PCDHGB5: variants seen among roughly 807,000 people sequenced by gnomAD.
The protein encoded by PCDHGB5 is protocadherin gamma subfamily B, 5, also known as protocadherin gamma-B5.
In PCDHGB5, 48 loss-of-function variants were observed where a neutral mutation model predicts 62.9. The observed-to-expected ratio is 0.76, with a 90% CI of 0.61 to 0.97. The LOEUF (loss-of-function observed/expected upper bound fraction) is 0.97, where lower values mean the gene tolerates loss of function less well. Ranked by LOEUF, PCDHGB5 falls within the 50% of genes least tolerant of loss-of-function variation. PCDHGB5 has a pLI of 0.00. For missense variants in PCDHGB5, 1,118 were observed against 1,198.6 expected (o/e 0.93, Z 0.99); for synonymous variants, 474 against 511.2 (o/e 0.93, Z 0.98).
At chr5:141,417,897 C>T (rs2096182334) in intron 1 of PCDHGB5, 1 of 1,578,084 alleles carries the variant, frequency 6.3e-7, no homozygotes, top group African/African-American at 1.4e-5. Context: ...CGGGCCGGCC[C>T]GCGGCAGGTA....
At chr5:141,412,936 A>T in intron 1 of PCDHGB5, 1 of 459,508 alleles carries the variant, frequency 2.2e-6, no homozygotes, top group African/African-American at 2.0e-5. Flanking sequence ...ACTTCTTAGG[A>T]CTCTGAGCGC....
intron 1 of PCDHGB5, among the ~76,000 whole-genome samples, chr5:141,479,909 A>G (rs2099509651): frequency 6.6e-6 from 1 of 152,160 alleles, no homozygotes; most frequent in South Asian, 2.1e-4. Context: ...AAACACTGTT[A>G]TTTTGTTACT....
At chr5:141,417,628 A>T (rs2096139720) in intron 1 of PCDHGB5, 1 of 692,650 alleles carries the variant, frequency 1.4e-6, no homozygotes, top group Non-Finnish European at 2.3e-6. Context: ...GCAAGCGCTG[A>T]CGCCGGGGAT....
At position 141,398,905 on chromosome 5, in the gene PCDHGB5, A is replaced by C; in HGVS notation, c.778A>C (p.Thr260Pro). The C allele has an allele frequency of 6.2e-7, 1 of 1,613,984 alleles. No individual in the cohort carries two copies. The highest frequency in any genetic ancestry group is 8.5e-7 in the Non-Finnish European group (1 of 1,179,882). Residue 260 changes from threonine to proline, a missense_variant, in exon 1 of 4, where the codon ACT becomes CCT. This residue lies in a region of PCDHGB5 where 1,034 missense variants were observed against 1,029.1 expected (regional missense o/e 1.00). Coordinates refer to ENST00000617380, the MANE Select transcript of PCDHGB5 (RefSeq NM_018925.3). Reference sequence around the variant, plus strand: ...TCGGGAAAACGTGCCACCAGGCACCACTGTGTTGCAAGTGTCAGCCACTGA... The same window carrying C: ...TCGGGAAAACGTGCCACCAGGCACCCCTGTGTTGCAAGTGTCAGCCACTGA... ...SLRENVPPGT[T>P]VLQVSATDQD...
At chr5:141,455,634 G>C (rs1429708887) in intron 1 of PCDHGB5, among the ~76,000 whole-genome samples, 1 of 152,110 alleles carries the variant, frequency 6.6e-6, no homozygotes. Context: ...GAGATATGTG[G>C]GGGGCAGCCA....
intron 1 of PCDHGB5, among the ~76,000 whole-genome samples, chr5:141,407,290 G>A (rs1025830566): frequency 3.3e-5 from 5 of 152,154 alleles, no homozygotes; most frequent in African/African-American, 1.2e-4. Context: ...TACAATTTCT[G>A]TTCTGAGGAG....
rs765047622 is a variant in PCDHGB5 at position 141,486,776 on chromosome 5, G to A, written c.2398-8031G>A. On this transcript the variant is annotated intron_variant, in intron 1 of 3. Coordinates refer to ENST00000617380, the MANE Select transcript of PCDHGB5 (RefSeq NM_018925.3). This position sits in a 1 kb window ranked among gnomAD's most constrained non-coding sequence, Gnocchi z 5.0. ...GCAAACCCAGACACTGCAGTTTGAGGTGCAGGCCCGGGATCGGGGCAACCC... is the reference window on the plus strand; with the variant it reads ...GCAAACCCAGACACTGCAGTTTGAGATGCAGGCCCGGGATCGGGGCAACCC... 1.2e-6 allele frequency: 2 copies of A among 1,614,254 alleles called. No individual in the cohort carries two copies. Among genetic ancestry groups the A allele is most frequent in the Non-Finnish European group, 1.7e-6 (2 of 1,180,050 alleles).
Position 141,477,099 on chromosome 5 carries a change from G to C in PCDHGB5, c.2398-17708G>C. On this transcript the variant is annotated intron_variant, in intron 1 of 3. Transcript: ENST00000617380. This position sits in a 1 kb window ranked among gnomAD's most constrained non-coding sequence, Gnocchi z 4.9. ...ATTTACATCCAGGCCAAAGACAAGG[G>C]CGCCAATCCCGAAGGAGCACATTGC... 6.2e-7 allele frequency: 1 copy of C among 1,614,256 alleles called. No individual in the cohort carries two copies. Among genetic ancestry groups the C allele is most frequent in the Non-Finnish European group, 8.5e-7 (1 of 1,180,054 alleles).
chr5:141,496,192 C>T (rs942276204), intron 2 of PCDHGB5, among the ~76,000 whole-genome samples: 1 of 152,098 alleles, frequency 6.6e-6, no homozygotes, highest in Non-Finnish European at 1.5e-5. Flanking sequence ...CCCAGCTGCT[C>T]ATTTCAATCT....
At position 141,399,501 on chromosome 5, in the gene PCDHGB5, C is replaced by G; in HGVS notation, c.1374C>G (p.Pro458=). ...AGGCGTCCTACTTAGTCAGTGTACC[C>G]GAAAACAACCCTCCTGGGGCCTCCA... ...FHQASYLVSV[P]ENNPPGASIA... The change falls in exon 1 of 4, where the codon CCC becomes CCG. Residue 458 remains proline, a synonymous_variant. Transcript: ENST00000617380. 1 of 1,614,030 alleles carries G rather than the reference C, an allele frequency of 6.2e-7. No individual in the cohort carries two copies. The highest frequency in any genetic ancestry group is 1.1e-5 in the South Asian group (1 of 91,088).
chr5:141,415,119 G>A, intron 1 of PCDHGB5: 1 of 1,613,666 alleles, frequency 6.2e-7, no homozygotes, highest in African/African-American at 1.3e-5. Flanking sequence ...GCCTCGTAGT[G>A]GCCGTCCAGG....
intron 1 of PCDHGB5, among the ~76,000 whole-genome samples, chr5:141,484,837 T>C (rs1289449270): frequency 6.6e-6 from 1 of 151,620 alleles, no homozygotes; most frequent in Non-Finnish European, 1.5e-5. Context: ...GGCGAAAAGA[T>C]AGGCTGGGTT....
chr5:141,430,720 T>G, intron 1 of PCDHGB5: 1 of 1,486,390 alleles, frequency 6.7e-7, no homozygotes, highest in East Asian at 2.4e-5. Flanking sequence ...ACTTCAGTGG[T>G]TAAGGGCAGA....
Position 141,487,125 on chromosome 5 carries a change from G to A in PCDHGB5, c.2398-7682G>A. 6.2e-7 allele frequency: 1 copy of A among 1,614,112 alleles called. No homozygotes were observed. The highest frequency in any genetic ancestry group is 8.5e-7 in the Non-Finnish European group (1 of 1,179,994). The stretch of plus-strand genomic sequence containing the variant: ...CTGGTCATTGTGGTAAAGGATAGTG[G>A]TAGTCCACCACTCTCTACCTCTGTT... On this transcript the variant is annotated intron_variant, in intron 1 of 3. Coordinates refer to ENST00000617380, the MANE Select transcript of PCDHGB5 (RefSeq NM_018925.3). This position sits in a 1 kb window ranked among gnomAD's most constrained non-coding sequence, Gnocchi z 5.0.
chr5:141,421,277 T>C (rs761435958), intron 1 of PCDHGB5: 2 of 1,612,826 alleles, frequency 1.2e-6, no homozygotes, highest in Non-Finnish European at 1.7e-6. Flanking sequence ...CTGCTGCTGC[T>C]GTGCATTTTC....
chr5:141,400,734 G>T, intron 1 of PCDHGB5: 1 of 634,546 alleles, frequency 1.6e-6, no homozygotes, highest in Non-Finnish European at 2.7e-6. Context: ...AAAGTAGTGA[G>T]AGTTTGCTCT....
intron 1 of PCDHGB5, among the ~76,000 whole-genome samples, chr5:141,474,136 G>A (rs1383142266): frequency 1.3e-5 from 2 of 152,056 alleles, no homozygotes; most frequent in East Asian, 3.8e-4. Context: ...AAAACTACAG[G>A]CCTTATTATC....
Position 141,489,623 on chromosome 5 carries a change from A to T in PCDHGB5, c.2398-5184A>T, listed in dbSNP as rs924162827. On this transcript the variant is annotated intron_variant, in intron 1 of 3. Coordinates refer to ENST00000617380, the MANE Select transcript of PCDHGB5 (RefSeq NM_018925.3). This position sits in a 1 kb window ranked among gnomAD's most constrained non-coding sequence, Gnocchi z 4.5. ...GAGGTAGAGATCCTGGATCTCAATG[A>T]CAACTCTCCTAGCTTTGCCACCCCT... is the stretch of plus-strand genomic sequence containing the variant. The T allele has an allele frequency of 6.2e-7, 1 of 1,614,102 alleles. No homozygotes were observed. Among genetic ancestry groups the T allele is most frequent in the Non-Finnish European group, 8.5e-7 (1 of 1,179,996 alleles).
chr5:141,408,918 C>T, intron 1 of PCDHGB5: 1 of 1,613,408 alleles, frequency 6.2e-7, no homozygotes. Flanking sequence ...AATGATAACC[C>T]CCCGGTTTTC....
Sources: gnomAD v4.1 joint callset for allele counts (sites outside exome capture counted in the v4.1 genomes callset) on GRCh38, gnomAD v4.1.1 for gene constraint, gnomAD v4.1.1 regional missense constraint, Gnocchi (gnomAD v3.1) non-coding constraint, MANE v1.5 for transcripts, NCBI Gene and HGNC (gene_info 2026-07-23, HGNC 2026-07-21) for gene names.